The following MCPH1 variants were observed in gnomAD, a reference collection of about 807,000 sequenced individuals.
MCPH1 encodes microcephalin.
In MCPH1, 104 loss-of-function variants were observed where a neutral mutation model predicts 84.5. The observed-to-expected ratio is 1.23, with a 90% CI of 1.05 to 1.45. MCPH1 has a LOEUF of 1.45. MCPH1 is among the 40% of genes most tolerant of loss of function. The probability of loss-of-function intolerance (pLI) is 0.00; values close to 1 mark genes in which losing one functional copy is unlikely to be tolerated. For missense variants in MCPH1, 1,498 were observed against 1,005.7 expected (o/e 1.49, Z -6.62); for synonymous variants, 514 against 366.8 (o/e 1.40, Z -4.58).
chr8:6,409,397 C>A, intron 2 of MCPH1, 27 bp downstream of exon 2: 1 of 1,508,888 alleles, frequency 6.6e-7, no homozygotes, highest in Non-Finnish European at 9.2e-7. Context: ...GCTGTTGATT[C>A]ATATGACAGT....
chr8:6,630,937 C>T (rs752191516), intron 13 of MCPH1, among the ~76,000 whole-genome samples: 5 of 152,114 alleles, frequency 3.3e-5, no homozygotes, highest in South Asian at 2.1e-4. Flanking sequence ...AGCAAAATGA[C>T]AGAAGAGGAA....
intron 11 of MCPH1, among the ~76,000 whole-genome samples, chr8:6,488,275 T>C (rs1810169420): frequency 6.6e-6 from 1 of 152,244 alleles, no homozygotes; most frequent in South Asian, 2.1e-4. Flanking sequence ...TTGGAGCCGC[T>C]GTGCTTCCCA....
intron 12 of MCPH1, among the ~76,000 whole-genome samples, chr8:6,592,623 G>GTTTTTTTTTTTTTTTTTTTTTTTTTGT (rs573651366): frequency 1.3e-5 from 1 of 77,588 alleles, no homozygotes; most frequent in African/African-American, 5.3e-5. Flanking sequence ...TCTTTTTTTT[G>GTTTTTTTTTTTTTTTTTTTTTTTTTGT]TTTTTTTTTT....
intron 13 of MCPH1, 51 bp from the exon 14 acceptor site, chr8:6,642,932 TTATCACTTTCC>T (rs1798028094): frequency 3.4e-6 from 5 of 1,474,670 alleles, no homozygotes; most frequent in Non-Finnish European, 4.7e-6. Context: ...TACAAACAGG[TTATCACTTTCC>T]TATGTGGCTG....
chr8:6,422,512 G>A (rs1280002880), intron 3 of MCPH1, among the ~76,000 whole-genome samples: 2 of 152,142 alleles, frequency 1.3e-5, no homozygotes, highest in African/African-American at 2.4e-5. Context: ...GATGGTCACT[G>A]GTAGTGTGTT....
At chr8:6,642,386 C>T (rs1797991652) in intron 13 of MCPH1, among the ~76,000 whole-genome samples, 1 of 152,160 alleles carries the variant, frequency 6.6e-6, no homozygotes, top group African/African-American at 2.4e-5. Flanking sequence ...ACCTGCAGCG[C>T]TATCCTGGGC....
intron 11 of MCPH1, 66 bp downstream of exon 11, chr8:6,480,942 G>C (rs1373214641): frequency 6.3e-7 from 1 of 1,576,602 alleles, no homozygotes; most frequent in Non-Finnish European, 8.7e-7. Context: ...TCACCCTGAG[G>C]TGCCGACATC....
intron 12 of MCPH1, among the ~76,000 whole-genome samples, chr8:6,588,614 C>G (rs1247086804): frequency 6.6e-6 from 1 of 152,248 alleles, no homozygotes; most frequent in Non-Finnish European, 1.5e-5. Flanking sequence ...ACGCATTGAA[C>G]TGTTAAACCG....
intron 3 of MCPH1, among the ~76,000 whole-genome samples, chr8:6,427,519 G>C (rs753060755): frequency 5.3e-5 from 8 of 152,084 alleles, no homozygotes; most frequent in Non-Finnish European, 1.2e-4. Flanking sequence ...CTACAGGCGT[G>C]TGCCACTATG....
At chr8:6,471,999 A>G (rs1018990885) in intron 9 of MCPH1, among the ~76,000 whole-genome samples, 4 of 152,244 alleles carry the variant, frequency 2.6e-5, no homozygotes, top group African/African-American at 9.6e-5. Flanking sequence ...TTGGCAACTG[A>G]TAAGTAAAGT....
intron 5 of MCPH1, among the ~76,000 whole-genome samples, chr8:6,436,771 C>T (rs1802703273): frequency 6.6e-6 from 1 of 151,808 alleles, no homozygotes; most frequent in South Asian, 2.1e-4. Flanking sequence ...AGATAGAGAC[C>T]ATCCTGGCTA....
chr8:6,612,175 G>A (rs1191587890), intron 12 of MCPH1, among the ~76,000 whole-genome samples: 1 of 152,088 alleles, frequency 6.6e-6, no homozygotes, highest in Non-Finnish European at 1.5e-5. Flanking sequence ...AGGGTTTAGG[G>A]GCTCACTGCC....
intron 12 of MCPH1, among the ~76,000 whole-genome samples, chr8:6,526,936 A>G (rs918652573): frequency 6.6e-6 from 1 of 152,148 alleles, no homozygotes; most frequent in African/African-American, 2.4e-5. Flanking sequence ...AAATATTAAT[A>G]TAATCATGTT....
At chr8:6,641,197 C>A (rs1046881046) in intron 13 of MCPH1, among the ~76,000 whole-genome samples, 1 of 152,088 alleles carries the variant, frequency 6.6e-6, no homozygotes, top group Non-Finnish European at 1.5e-5. Context: ...TTGGAAAGAG[C>A]ATCATTTTTT....
At chr8:6,492,588 C>G (rs1490456012) in intron 11 of MCPH1, among the ~76,000 whole-genome samples, 2 of 150,114 alleles carry the variant, frequency 1.3e-5, no homozygotes, top group South Asian at 2.1e-4. Flanking sequence ...GTTTTCTATG[C>G]TATAGAAATA....
At chr8:6,586,059 C>T (rs1235371518) in intron 12 of MCPH1, among the ~76,000 whole-genome samples, 2 of 152,172 alleles carry the variant, frequency 1.3e-5, no homozygotes, top group African/African-American at 2.4e-5. Context: ...CTCCTGGGTT[C>T]AAGTGATCCT....
intron 12 of MCPH1, among the ~76,000 whole-genome samples, chr8:6,556,102 A>T (rs1273445422): frequency 6.6e-6 from 1 of 151,956 alleles, no homozygotes; most frequent in East Asian, 1.9e-4. Flanking sequence ...TGCTGCCAAG[A>T]CTAACCAAGG....
rs1812499756 is a variant in MCPH1, at chr8:6,503,020, G to T, written c.2214+3091G>T. ...GCCCTCTGTGGTGGAAGAGGACACA[G>T]TGCGCAGCCGTGACTTTCAGTGCAC... On this transcript the variant is annotated intron_variant, in intron 12 of 13. Transcript: ENST00000344683. The T allele has an allele frequency of 4.6e-6, 7 of 1,533,892 alleles. No homozygotes were observed. In the East Asian group the frequency reaches 1.3e-4, roughly 30 times the overall value.
chr8:6,448,316 G>C (rs1259050918), intron 8 of MCPH1, among the ~76,000 whole-genome samples: 1 of 152,208 alleles, frequency 6.6e-6, no homozygotes, highest in African/African-American at 2.4e-5. Context: ...AGGAACAAAT[G>C]TCCTGATGGA....
Sources: allele counts gnomAD v4.1 joint callset (sites outside exome capture counted in the v4.1 genomes callset), GRCh38; gene constraint gnomAD v4.1.1; transcripts MANE v1.5; gene names NCBI Gene and HGNC (gene_info 2026-07-23, HGNC 2026-07-21).